Variants in SETD5 observed in about 807,000 individuals in gnomAD.
The protein encoded by SETD5 is histone-lysine N-methyltransferase SETD5.
In SETD5, 44 loss-of-function variants were observed where a neutral mutation model predicts 153.3. That is an observed-to-expected ratio of 0.29 (90% CI 0.23 to 0.37). The LOEUF (loss-of-function observed/expected upper bound fraction) is 0.37, where lower values mean the gene tolerates loss of function less well. Among genes scored for constraint, SETD5 ranks in the 10% least tolerant of loss-of-function variants. The pLI, the probability that SETD5 is intolerant of heterozygous loss-of-function variation, is 1.00. For missense variants in SETD5, 1,544 were observed against 1,768.0 expected, an observed-to-expected ratio of 0.87 and a Z score of 2.27; for synonymous variants, 716 against 645.2, an observed-to-expected ratio of 1.11 and a Z score of -1.66.
intron 1 of SETD5, among the ~76,000 whole-genome samples, chr3:9,403,164 T>C (rs1051685197): frequency 1.3e-5 from 2 of 152,122 alleles, no homozygotes; most frequent in Non-Finnish European, 2.9e-5. Context: ...TAGTTCCCAC[T>C]CAAGCATTGA....
At chr3:9,419,596 T>G in intron 1 of SETD5, among the ~76,000 whole-genome samples, 1 of 152,314 alleles carries the variant, frequency 6.6e-6, no homozygotes, top group East Asian at 1.9e-4. Flanking sequence ...ATAACTCAGA[T>G]GTTGCTATCT....
At chr3:9,406,279 A>C (rs1202847828) in intron 1 of SETD5, among the ~76,000 whole-genome samples, 1 of 152,256 alleles carries the variant, frequency 6.6e-6, no homozygotes, top group African/African-American at 2.4e-5. Context: ...CAGAACAAAG[A>C]GAAGGGCCTT....
chr3:9,439,214 A>G, intron 7 of SETD5, among the ~76,000 whole-genome samples: 1 of 152,204 alleles, frequency 6.6e-6, no homozygotes, highest in Non-Finnish European at 1.5e-5. Context: ...GATTGTCAGT[A>G]TGTTGGCTTT....
At chr3:9,405,115 G>T (rs2035449503) in intron 1 of SETD5, among the ~76,000 whole-genome samples, 1 of 152,190 alleles carries the variant, frequency 6.6e-6, no homozygotes, top group African/African-American at 2.4e-5. Context: ...TAGTGATAGA[G>T]ATTTTGTAAC....
chr3:9,421,796 GA>G (rs2038450349), intron 1 of SETD5, among the ~76,000 whole-genome samples: 2 of 151,950 alleles, frequency 1.3e-5, no homozygotes, highest in Admixed American at 6.6e-5. Context: ...ACCTATTAAA[GA>G]TTTTTTTAGT....
chr3:9,431,178 A>G, intron 3 of SETD5: 3 of 985,446 alleles, frequency 3.0e-6, no homozygotes, highest in Non-Finnish European at 3.6e-6. Flanking sequence ...GTGTGTTTGT[A>G]GGAAAATTTG....
At position 9,425,055 on chromosome 3, in the gene SETD5, C is replaced by CTTTTTTTTTTTTTTT. The variant is rs778883904; in HGVS notation, c.-117+538_-117+552dup. The stretch of plus-strand genomic sequence containing the variant: ...AAATTTATAGTTACCGACAATGTTT[C>CTTTTTTTTTTTTTTT]TTTTTTTTTTTTTTTTTTTTTTTGA... On this transcript the variant is annotated intron_variant, in intron 2 of 22. Transcript: ENST00000402198. Among the ~76,000 whole-genome samples, 16 of 83,640 alleles carry CTTTTTTTTTTTTTTT rather than the reference C, an allele frequency of 1.9e-4. 1 individual carries two copies. The highest frequency in any genetic ancestry group is 6.9e-4 in the African/African-American group (14 of 20,434). The allele number at this position is 83,640 out of a possible 152,430, so 54.9% of individuals were successfully genotyped here.
chr3:9,444,472 C>G (rs1487966510), intron 11 of SETD5, among the ~76,000 whole-genome samples: 1 of 151,894 alleles, frequency 6.6e-6, no homozygotes, highest in African/African-American at 2.4e-5. Flanking sequence ...CAGACTTTAT[C>G]ATTGATAAAC....
chr3:9,459,714 CAAAAA>C (rs386395917), intron 17 of SETD5, among the ~76,000 whole-genome samples: 2 of 78,288 alleles, frequency 2.6e-5, no homozygotes, highest in Non-Finnish European at 2.8e-5. Flanking sequence ...GAGACTCCAT[CAAAAA>C]AAAAAAAAAA....
intron 1 of SETD5, among the ~76,000 whole-genome samples, chr3:9,406,046 A>G (rs2035598645): frequency 6.6e-6 from 1 of 152,186 alleles, no homozygotes; most frequent in Admixed American, 6.5e-5. Flanking sequence ...CCTGTTGGCA[A>G]TTAGACTACT....
chr3:9,435,357 A>G (rs935110784), intron 6 of SETD5, among the ~76,000 whole-genome samples: 24 of 152,078 alleles, frequency 1.6e-4, no homozygotes, highest in African/African-American at 4.8e-4. Context: ...TAGTTCTCTC[A>G]TTGTAAACGA....
Position 9,434,496 on chromosome 3 carries a change from G to A in SETD5, c.329+11G>A. ...CTGTGACAAGTGCAGGTAAGATCCT[G>A]TTCCATCTAAATTTAAGTCTGGGTT... On this transcript the variant is annotated intron_variant, in intron 5 of 22. Transcript: ENST00000402198. This position sits in a 1 kb window ranked among gnomAD's most constrained non-coding sequence, Gnocchi z 5.6. The A allele has an allele frequency of 6.2e-7, 1 of 1,613,866 alleles. No individual in the cohort carries two copies. The highest frequency in any genetic ancestry group is 8.5e-7 in the Non-Finnish European group (1 of 1,179,822).
intron 11 of SETD5, among the ~76,000 whole-genome samples, chr3:9,444,749 G>A (rs2041731028): frequency 6.6e-6 from 1 of 151,606 alleles, no homozygotes; most frequent in African/African-American, 2.4e-5. Flanking sequence ...AAATTAGCTG[G>A]GCGTGTAGTC....
At position 9,434,344 on chromosome 3, in the gene SETD5, C is replaced by G; in HGVS notation, c.188C>G (p.Pro63Arg). Residue 63 changes from proline to arginine, a missense_variant, in exon 5 of 23, where the codon CCT (proline) becomes CGT (arginine). Physicochemically the swap from Pro to Arg is moderately radical, Grantham distance 103 (BLOSUM62 -2). Coordinates refer to ENST00000402198, the MANE Select transcript of SETD5 (RefSeq NM_001080517.3). The surrounding 1 kb of genome is among the most constrained non-coding windows in gnomAD (Gnocchi z 5.6). ...CRGLPYATII[P>R]RSDLNGLPSP... ...TCTCCCCCTGTCCAGACGATCATCCCTCGTTCTGACCTGAATGGCCTGCCG... is the reference window on the plus strand; with the variant it reads ...TCTCCCCCTGTCCAGACGATCATCCGTCGTTCTGACCTGAATGGCCTGCCG... 1 of 1,613,892 alleles carries G rather than the reference C, an allele frequency of 6.2e-7. No individual in the cohort carries two copies. The highest frequency in any genetic ancestry group is 8.5e-7 in the Non-Finnish European group (1 of 1,179,790).
chr3:9,449,727 G>A (rs2125304249), intron 16 of SETD5: 1 of 152,270 alleles, frequency 6.6e-6, no homozygotes, highest in Non-Finnish European at 1.5e-5. Flanking sequence ...AGGGCAATAG[G>A]AATCTGCAAA....
intron 6 of SETD5, 84 bp from the exon 7 acceptor site, chr3:9,435,644 G>A (rs2040482692): frequency 7.8e-7 from 1 of 1,287,754 alleles, no homozygotes; most frequent in Non-Finnish European, 1.0e-6. Flanking sequence ...CTTACTGCAT[G>A]TGGGGCACAC....
At chr3:9,467,806 A>G (rs1157611803) in intron 18 of SETD5, among the ~76,000 whole-genome samples, 5 of 152,080 alleles carry the variant, frequency 3.3e-5, no homozygotes, top group Non-Finnish European at 5.9e-5. Flanking sequence ...TACCCTCTGT[A>G]GGATACAGGG....
chr3:9,446,318 C>T (rs569259862), intron 13 of SETD5, among the ~76,000 whole-genome samples: 45 of 148,592 alleles, frequency 3.0e-4, no homozygotes, highest in South Asian at 1.5e-3. Context: ...ATCTGGTTTC[C>T]GAAAAACTGG....
intron 3 of SETD5, 32 bp downstream of exon 3, chr3:9,429,041 T>C: frequency 6.5e-7 from 1 of 1,527,676 alleles, no homozygotes. Flanking sequence ...GTAGGTACAT[T>C]ATCAGTCTGT....
Sources: gnomAD v4.1 joint callset for allele counts (sites outside exome capture counted in the v4.1 genomes callset) on GRCh38, gnomAD v4.1.1 for gene constraint, Gnocchi (gnomAD v3.1) non-coding constraint, MANE v1.5 for transcripts, NCBI Gene and HGNC (gene_info 2026-07-23, HGNC 2026-07-21) for gene names.